Variants in SFMBT2 observed in about 807,000 individuals in gnomAD.
The protein encoded by SFMBT2 is Scm like with four mbt domains 2.
A neutral mutation model predicts 110.1 loss-of-function variants in SFMBT2; 38 were observed. The observed-to-expected ratio is 0.35, with a 90% CI of 0.27 to 0.45. SFMBT2 has a LOEUF of 0.45. Among genes scored for constraint, SFMBT2 ranks in the 20% least tolerant of loss-of-function variants. The pLI is 1.00. For synonymous variants in SFMBT2, 425 were observed against 425.4 expected (o/e 1.00, Z 0.01); for missense variants, 1,011 against 1,094.9 (o/e 0.92, Z 1.08).
At chr10:7,271,307 A>T (rs1231833104) in intron 7 of SFMBT2, among the ~76,000 whole-genome samples, 4 of 151,670 alleles carry the variant, frequency 2.6e-5, no homozygotes, top group Non-Finnish European at 5.9e-5. Flanking sequence ...AAAAAAAAAA[A>T]AAAATTAAAT....
intron 2 of SFMBT2, among the ~76,000 whole-genome samples, chr10:7,374,198 G>A (rs1439596298): frequency 6.6e-6 from 1 of 152,170 alleles, no homozygotes; most frequent in Non-Finnish European, 1.5e-5. Flanking sequence ...GGATGTGGAG[G>A]CTGCAGTGAG....
intron 17 of SFMBT2, among the ~76,000 whole-genome samples, chr10:7,173,641 G>A (rs527547962): frequency 1.2e-4 from 19 of 152,294 alleles, no homozygotes; most frequent in Non-Finnish European, 2.4e-4. Context: ...TAAACAAAAT[G>A]TATCATCAGC....
chr10:7,243,754 A>ATC, intron 8 of SFMBT2, 49 bp from the exon 9 acceptor site: 1 of 822,702 alleles, frequency 1.2e-6, no homozygotes. Context: ...TTAGAGTTAC[A>ATC]TATAATGCTA....
At chr10:7,362,510 G>A (rs532821155) in intron 4 of SFMBT2, among the ~76,000 whole-genome samples, 5 of 152,330 alleles carry the variant, frequency 3.3e-5, no homozygotes, top group African/African-American at 9.6e-5. Context: ...AGTGACTCCA[G>A]TTACTAGAAA....
chr10:7,243,427 A>T, intron 9 of SFMBT2, 131 bp downstream of exon 9: 1 of 672,348 alleles, frequency 1.5e-6, no homozygotes, highest in Non-Finnish European at 2.6e-6. Flanking sequence ...GCTGATGAAG[A>T]ACGCCCTATT....
intron 12 of SFMBT2, chr10:7,204,365 C>G: frequency 1.0e-6 from 1 of 985,382 alleles, no homozygotes; most frequent in Non-Finnish European, 1.2e-6. Flanking sequence ...GGCCACAGAA[C>G]AGGCTGTTAG....
At chr10:7,267,329 G>GT (rs1841425029) in intron 7 of SFMBT2, among the ~76,000 whole-genome samples, 1 of 152,180 alleles carries the variant, frequency 6.6e-6, no homozygotes, top group Non-Finnish European at 1.5e-5. Flanking sequence ...TCTGAATCCT[G>GT]TGAGTCCTTT....
At chr10:7,337,705 T>C (rs1276387102) in intron 4 of SFMBT2, among the ~76,000 whole-genome samples, 1 of 152,146 alleles carries the variant, frequency 6.6e-6, no homozygotes, top group African/African-American at 2.4e-5. Context: ...GTCCTGGGTA[T>C]TTCTTTGTAG....
chr10:7,385,412 A>G (rs193052050), intron 1 of SFMBT2, among the ~76,000 whole-genome samples: 1 of 152,284 alleles, frequency 6.6e-6, no homozygotes, highest in Admixed American at 6.5e-5. Flanking sequence ...CACTCAGGGA[A>G]AATACCGGGA....
At chr10:7,288,540 C>T (rs1234163065) in intron 4 of SFMBT2, among the ~76,000 whole-genome samples, 1 of 152,266 alleles carries the variant, frequency 6.6e-6, no homozygotes, top group African/African-American at 2.4e-5. Context: ...TCTTCAAAGG[C>T]TACACCCTTT....
intron 5 of SFMBT2, 121 bp downstream of exon 5, chr10:7,285,745 A>G (rs936623119): frequency 1.5e-6 from 1 of 683,800 alleles, no homozygotes; most frequent in African/African-American, 1.8e-5. Flanking sequence ...GGCTATTTGG[A>G]TGGCAGTGTC....
intron 15 of SFMBT2, among the ~76,000 whole-genome samples, chr10:7,195,025 G>A (rs1054078885): frequency 1.3e-5 from 2 of 152,204 alleles, no homozygotes; most frequent in African/African-American, 4.8e-5. Context: ...AGGCAGCTTC[G>A]AAGAAGCCCA....
intron 7 of SFMBT2, among the ~76,000 whole-genome samples, chr10:7,250,331 C>A (rs998736715): frequency 1.2e-4 from 19 of 152,166 alleles, no homozygotes; most frequent in African/African-American, 4.3e-4. Flanking sequence ...TAAGCGAGAA[C>A]ATGAGGTATT....
At chr10:7,193,758 G>A (rs1838680215) in intron 15 of SFMBT2, among the ~76,000 whole-genome samples, 1 of 152,226 alleles carries the variant, frequency 6.6e-6, no homozygotes, top group Admixed American at 6.5e-5. Context: ...CAGGCCTGGT[G>A]ATTCATGAGA....
At chr10:7,340,103 C>T in intron 4 of SFMBT2, among the ~76,000 whole-genome samples, 1 of 152,160 alleles carries the variant, frequency 6.6e-6, no homozygotes, top group East Asian at 1.9e-4. Context: ...CGGCCTCAAT[C>T]CCAGCATTTT....
intron 4 of SFMBT2, among the ~76,000 whole-genome samples, chr10:7,358,648 G>A (rs1302128652): frequency 1.4e-5 from 2 of 143,196 alleles, no homozygotes; most frequent in East Asian, 3.9e-4. Context: ...GCATGGCCCT[G>A]GGACATCAGC....
chr10:7,403,695 C>G (rs1846142791), intron 1 of SFMBT2, among the ~76,000 whole-genome samples: 1 of 152,080 alleles, frequency 6.6e-6, no homozygotes, highest in Non-Finnish European at 1.5e-5. Flanking sequence ...ATCTCACATA[C>G]AGTAGTAAGC....
chr10:7,175,338 G>T (rs1278829173), intron 17 of SFMBT2, among the ~76,000 whole-genome samples: 1 of 152,186 alleles, frequency 6.6e-6, no homozygotes, highest in Non-Finnish European at 1.5e-5. Flanking sequence ...CAGGGGAAGC[G>T]GTTGCCCAAG....
At chr10:7,357,137 A>AT (rs1206296679) in intron 4 of SFMBT2, among the ~76,000 whole-genome samples, 5 of 152,124 alleles carry the variant, frequency 3.3e-5, no homozygotes, top group Non-Finnish European at 7.4e-5. Context: ...TGTACACAAA[A>AT]TGTTCTGCCT....
Sources: allele counts gnomAD v4.1 joint callset (sites outside exome capture counted in the v4.1 genomes callset), GRCh38; gene constraint gnomAD v4.1.1; transcripts MANE v1.5; gene names NCBI Gene and HGNC (gene_info 2026-07-23, HGNC 2026-07-21).